The following ACSS2 variants were observed in gnomAD, a reference collection of about 807,000 sequenced individuals.
The protein encoded by ACSS2 is acetyl-coenzyme A synthetase, cytoplasmic.
In ACSS2, 58 loss-of-function variants were observed where a neutral mutation model predicts 90.6. That is an observed-to-expected ratio of 0.64 (90% CI 0.52 to 0.80). The LOEUF (loss-of-function observed/expected upper bound fraction) is 0.80, where lower values mean the gene tolerates loss of function less well. Ranked by LOEUF, ACSS2 falls within the 30% of genes least tolerant of loss-of-function variation. The pLI is 0.00. For missense variants in ACSS2, 759 were observed against 912.0 expected (o/e 0.83, Z 2.16); for synonymous variants, 300 against 330.9 (o/e 0.91, Z 1.01).
intron 2 of ACSS2, among the ~76,000 whole-genome samples, chr20:34,895,032 A>G (rs1458193736): frequency 2.6e-5 from 4 of 152,150 alleles, no homozygotes; most frequent in Non-Finnish European, 5.9e-5. Context: ...TCCTCAGACA[A>G]TTCTGATGTT....
intron 2 of ACSS2, among the ~76,000 whole-genome samples, chr20:34,888,952 C>A (rs2080265613): frequency 6.6e-6 from 1 of 151,668 alleles, no homozygotes; most frequent in African/African-American, 2.4e-5. Flanking sequence ...ATCTTGAAAG[C>A]CAATGTAGAC....
chr20:34,909,918 T>C lies in ACSS2; in HGVS notation c.375-3178T>C, dbSNP rs1482181538. On this transcript the variant is annotated intron_variant, in intron 2 of 17. Coordinates refer to ENST00000360596, the MANE Select transcript of ACSS2 (RefSeq NM_018677.4). ...TTTTAGTAGAGATGGGGTTTTGCCA[T>C]GTTGGCCAGGCTGGTCTCAAACTCC... Among the ~76,000 whole-genome samples the C allele has an allele frequency of 3.3e-5, 5 of 152,078 alleles. No homozygotes were observed. The East Asian group carries it at 9.6e-4, about 29-fold the overall frequency.
At chr20:34,923,885 A>G (rs766221992) in intron 14 of ACSS2, among the ~76,000 whole-genome samples, 1 of 148,524 alleles carries the variant, frequency 6.7e-6, no homozygotes, top group Non-Finnish European at 1.5e-5. Flanking sequence ...TCATATTTCA[A>G]CATGAGATTT....
At position 34,927,385 on chromosome 20, in the gene ACSS2, C is replaced by A. The variant is rs1348043838; in HGVS notation, c.*171C>A. 2 of 884,768 alleles carry A rather than the reference C, an allele frequency of 2.3e-6. No individual in the cohort carries two copies. The highest frequency in any genetic ancestry group is 3.5e-6 in the Non-Finnish European group (2 of 576,910). 54.8% of individuals were successfully genotyped at this position (884,768 alleles called of 1,614,324 possible). A position where few individuals can be genotyped will look rare whatever the true frequency, so the allele number is the denominator to read the frequency against. ...AGGTAGAGACAACATCCTGTGACTG[C>A]CAGGCAGAAAGGACAGGGCCCAGGT... On this transcript the variant is annotated 3_prime_UTR_variant, in exon 18 of 18. Transcript: ENST00000360596. The surrounding 1 kb of genome is among the most constrained non-coding windows in gnomAD (Gnocchi z 4.2).
intron 14 of ACSS2, among the ~76,000 whole-genome samples, chr20:34,925,083 G>A (rs1311274822): frequency 5.9e-5 from 9 of 152,212 alleles, no homozygotes; most frequent in Non-Finnish European, 1.2e-4. Flanking sequence ...GTTTAGGTGA[G>A]TATACTATTG....
chr20:34,920,522 C>G lies in ACSS2; in HGVS notation c.973-17C>G. The G allele has an allele frequency of 6.2e-7, 1 of 1,611,974 alleles. No individual in the cohort carries two copies. The highest frequency in any genetic ancestry group is 8.5e-7 in the Non-Finnish European group (1 of 1,179,548). On this transcript the variant is annotated splice_polypyrimidine_tract_variant and intron_variant, in intron 8 of 17. Coordinates refer to ENST00000360596, the MANE Select transcript of ACSS2 (RefSeq NM_018677.4). ...GGTGGGCATAAGACCCTAACCTGTTCCCCATTCTTCCCACAGGGTGTGGTT... is the reference window on the plus strand; with the variant it reads ...GGTGGGCATAAGACCCTAACCTGTTGCCCATTCTTCCCACAGGGTGTGGTT...
intron 7 of ACSS2, among the ~76,000 whole-genome samples, chr20:34,916,521 T>C (rs2081080830): frequency 6.6e-6 from 1 of 152,170 alleles, no homozygotes; most frequent in African/African-American, 2.4e-5. Flanking sequence ...CTCTTGTAAT[T>C]CTTAATACCA....
At chr20:34,913,364 T>A in intron 3 of ACSS2, 29 bp from the exon 4 acceptor site, 4 of 1,606,868 alleles carry the variant, frequency 2.5e-6, no homozygotes, top group Non-Finnish European at 3.4e-6. Context: ...GAAGGGTTCA[T>A]GGTTCATATT....
At chr20:34,914,224 G>C in intron 6 of ACSS2, 53 bp downstream of exon 6, 1 of 1,610,532 alleles carries the variant, frequency 6.2e-7, no homozygotes, top group South Asian at 1.1e-5. Flanking sequence ...CCAGTGCCAG[G>C]TTCCCTTTGT....
At chr20:34,899,475 T>TCCTTCCTTCC (rs2080588341) in intron 2 of ACSS2, among the ~76,000 whole-genome samples, 3 of 113,544 alleles carry the variant, frequency 2.6e-5, no homozygotes, top group African/African-American at 6.7e-5. Context: ...TCCTTTCTTT[T>TCCTTCCTTCC]TCTTTCTTTT....
chr20:34,907,017 C>A (rs2080823399), intron 2 of ACSS2, among the ~76,000 whole-genome samples: 1 of 147,562 alleles, frequency 6.8e-6, no homozygotes, highest in African/African-American at 2.5e-5. Context: ...TCTCTGCTAT[C>A]ATGGAGCTTA....
At chr20:34,888,794 G>T (rs1252900225) in intron 2 of ACSS2, among the ~76,000 whole-genome samples, 1 of 152,132 alleles carries the variant, frequency 6.6e-6, no homozygotes, top group Non-Finnish European at 1.5e-5. Context: ...AGTTGGGGTA[G>T]GGAGGGGAAA....
chr20:34,923,817 C>T (rs932440712), intron 14 of ACSS2, among the ~76,000 whole-genome samples: 2 of 148,370 alleles, frequency 1.3e-5, no homozygotes, highest in South Asian at 4.5e-4. Flanking sequence ...CCGCCCCCCC[C>T]ACCTCCCCGG....
chr20:34,892,383 G>A (rs529406301), intron 2 of ACSS2, among the ~76,000 whole-genome samples: 1 of 152,272 alleles, frequency 6.6e-6, no homozygotes, highest in South Asian at 2.1e-4. Context: ...GAACCTCTGA[G>A]AATTCAAGAC....
At position 34,923,354 on chromosome 20, in the gene ACSS2, G is replaced by A. The variant is rs767366802; in HGVS notation, c.1580G>A (p.Arg527His). The change falls in exon 14 of 18, where the codon CGC becomes CAC. Residue 527 changes from arginine (R) to histidine (H), a missense_variant. Coordinates refer to ENST00000360596, the MANE Select transcript of ACSS2 (RefSeq NM_018677.4). ...VFKQPWPGIMRTVYGNHERFE... is the reference protein window; with the variant it reads ...VFKQPWPGIMHTVYGNHERFE... ...AAGCAGCCCTGGCCAGGGATCATGC[G>A]CACAGTCTATGGGAACCACGAACGC... The A allele has an allele frequency of 5.6e-5, 90 of 1,614,110 alleles. No homozygotes were observed. The highest frequency in any genetic ancestry group is 7.5e-5 in the Non-Finnish European group (88 of 1,180,002).
rs922267545 is a variant in ACSS2, at chr20:34,905,982, T to C, written c.375-7114T>C. Among the ~76,000 whole-genome samples the C allele has an allele frequency of 7.9e-5, 12 of 152,210 alleles. 1 individual carries two copies. The highest frequency in any genetic ancestry group is 6.5e-4 in the Admixed American group (10 of 15,276). ...GTAACCCACCCTGTGATGCCAAGCA[T>C]AGCTAATAGCCTCTTTGGATCTCAG... On this transcript the variant is annotated intron_variant, in intron 2 of 17. Coordinates refer to ENST00000360596, the MANE Select transcript of ACSS2 (RefSeq NM_018677.4).
chr20:34,922,823 A>G (rs962199059), intron 13 of ACSS2: 6 of 157,810 alleles, frequency 3.8e-5, no homozygotes, highest in Admixed American at 3.7e-4. Flanking sequence ...GCTTACATCC[A>G]GGCCTTCTGA....
At chr20:34,915,157 C>G in intron 7 of ACSS2, 1 of 1,582,330 alleles carries the variant, frequency 6.3e-7, no homozygotes, top group Non-Finnish European at 8.7e-7. Context: ...TGACCCTTTC[C>G]TCCCACTCCC....
intron 2 of ACSS2, among the ~76,000 whole-genome samples, chr20:34,906,215 G>A (rs2080799554): frequency 6.6e-6 from 1 of 151,788 alleles, no homozygotes; most frequent in African/African-American, 2.4e-5. Flanking sequence ...GGCGCCTGTG[G>A]TCCCAGCTAC....
Sources: allele counts gnomAD v4.1 joint callset (sites outside exome capture counted in the v4.1 genomes callset), GRCh38; gene constraint gnomAD v4.1.1; non-coding constraint Gnocchi (gnomAD v3.1); transcripts MANE v1.5; gene names NCBI Gene and HGNC (gene_info 2026-07-23, HGNC 2026-07-21).